ZNF804B: variants seen among roughly 807,000 people sequenced by gnomAD.
The protein encoded by ZNF804B is zinc finger 804B.
In ZNF804B, 80 loss-of-function variants were observed where a neutral mutation model predicts 101.4. That is an observed-to-expected ratio of 0.79 (90% CI 0.66 to 0.95). The LOEUF is 0.95. Among genes scored for constraint, ZNF804B ranks in the 40% least tolerant of loss-of-function variants. The pLI is 0.00. For synonymous variants in ZNF804B, 622 were observed against 558.8 expected, an observed-to-expected ratio of 1.11 and a Z score of -1.59; for missense variants, 1,673 against 1,561.9, an observed-to-expected ratio of 1.07 and a Z score of -1.20.
chr7:89,335,092 T>G lies in ZNF804B; in HGVS notation c.2110T>G (p.Cys704Gly), dbSNP rs190474055. 1.2e-6 allele frequency: 2 copies of G among 1,613,838 alleles called. No homozygotes were observed. Among genetic ancestry groups the G allele is most frequent in the East Asian group, 2.2e-5 (1 of 44,858 alleles). ...ATACAAGAGATACTCTCCACAGTCA[T>G]GTTTGAGTAGATATTCTTCCTCTTT... is the stretch of plus-strand genomic sequence containing the variant. The part of the protein sequence containing the change: ...QRYKRYSPQS[C>G]LSRYSSSLDT... The change falls in exon 4 of 4, where the codon TGT (cysteine) becomes GGT (glycine). Residue 704 changes from cysteine to glycine, a missense_variant. Transcript: ENST00000333190.
intron 1 of ZNF804B, among the ~76,000 whole-genome samples, chr7:88,856,159 G>A (rs527576612): frequency 7.9e-5 from 12 of 152,276 alleles, no homozygotes; most frequent in African/African-American, 2.9e-4. Flanking sequence ...TTGGTAGCTT[G>A]ATGGGGGATG....
At chr7:89,266,864 T>C (rs1562931725) in intron 2 of ZNF804B, among the ~76,000 whole-genome samples, 1 of 149,406 alleles carries the variant, frequency 6.7e-6, no homozygotes, top group Non-Finnish European at 1.5e-5. Flanking sequence ...TACTAATGTT[T>C]GTGTGTCTGT....
chr7:89,050,240 A>G (rs1789178066), intron 1 of ZNF804B, among the ~76,000 whole-genome samples: 1 of 152,152 alleles, frequency 6.6e-6, no homozygotes, highest in African/African-American at 2.4e-5. Flanking sequence ...ATAAAATTTT[A>G]TCCATTAATG....
chr7:89,241,034 AACTT>A (rs1428379554), intron 2 of ZNF804B, among the ~76,000 whole-genome samples: 1 of 151,940 alleles, frequency 6.6e-6, no homozygotes, highest in Non-Finnish European at 1.5e-5. Flanking sequence ...AGTGTCCTCT[AACTT>A]TCTCCCAACT....
intron 2 of ZNF804B, among the ~76,000 whole-genome samples, chr7:89,248,382 G>A (rs1401513229): frequency 6.7e-6 from 1 of 149,008 alleles, no homozygotes; most frequent in Non-Finnish European, 1.5e-5. Flanking sequence ...TGTACAAAGG[G>A]AACACTATCA....
intron 1 of ZNF804B, among the ~76,000 whole-genome samples, chr7:88,884,817 T>C (rs913628207): frequency 1.3e-5 from 2 of 151,948 alleles, no homozygotes; most frequent in African/African-American, 4.8e-5. Flanking sequence ...AGATAATTTT[T>C]ATTTCATTAT....
intron 2 of ZNF804B, among the ~76,000 whole-genome samples, chr7:89,233,579 G>A (rs1225428116): frequency 1.3e-5 from 2 of 152,092 alleles, no homozygotes; most frequent in Non-Finnish European, 2.9e-5. Context: ...CAATGTGGGG[G>A]TGGGCTTCAG....
intron 1 of ZNF804B, among the ~76,000 whole-genome samples, chr7:88,932,737 G>T (rs1410611074): frequency 3.3e-5 from 5 of 151,626 alleles, no homozygotes; most frequent in African/African-American, 9.7e-5. Context: ...CAAGCAGCGA[G>T]ATTGAATCAG....
rs151286823 is a variant in ZNF804B, at chr7:88,795,174, A to C, written c.108+35090A>C. Reference sequence around the variant, plus strand: ...AAAGACAATGTTAAAACAATACTCAAACTATAGACTTTTTTAAAAGTTTAC... The same window carrying C: ...AAAGACAATGTTAAAACAATACTCACACTATAGACTTTTTTAAAAGTTTAC... On this transcript the variant is annotated intron_variant, in intron 1 of 3. Coordinates refer to ENST00000333190, the MANE Select transcript of ZNF804B (RefSeq NM_181646.5). 6.6e-5 allele frequency: 24 copies of C among 362,454 alleles called. No homozygotes were observed. The East Asian group carries it at 8.2e-4, about 12-fold the overall frequency. 22.5% of individuals were successfully genotyped at this position (362,454 alleles called of 1,614,324 possible). A position where few individuals can be genotyped will look rare whatever the true frequency, so the allele number is the denominator to read the frequency against.
chr7:89,247,354 A>G (rs1452641618), intron 2 of ZNF804B, among the ~76,000 whole-genome samples: 1 of 152,210 alleles, frequency 6.6e-6, no homozygotes, highest in Non-Finnish European at 1.5e-5. Flanking sequence ...GGCTTCTGCC[A>G]TTAAACAAGG....
chr7:89,322,656 TAAA>T (rs1790837606), intron 2 of ZNF804B, among the ~76,000 whole-genome samples: 1 of 152,050 alleles, frequency 6.6e-6, no homozygotes, highest in Non-Finnish European at 1.5e-5. Context: ...TTTTGACAAT[TAAA>T]AAGCTAATTT....
chr7:88,882,448 G>A (rs751431078), intron 1 of ZNF804B, among the ~76,000 whole-genome samples: 3 of 152,146 alleles, frequency 2.0e-5, no homozygotes, highest in Non-Finnish European at 4.4e-5. Context: ...TTTAGCCACT[G>A]TGGAAAGCAG....
chr7:88,778,844 T>A lies in ZNF804B; in HGVS notation c.108+18760T>A, dbSNP rs182452643. Among the ~76,000 whole-genome samples the A allele has an allele frequency of 3.0e-4, 46 of 152,324 alleles. No homozygotes were observed. In the East Asian group the frequency reaches 8.3e-3, roughly 27 times the overall value. Reference sequence around the variant, plus strand: ...CGCCGATATGCATAAGGTATCCATGTTGTCTGCTCCAATGGAATGTGCAGT... The same window carrying A: ...CGCCGATATGCATAAGGTATCCATGATGTCTGCTCCAATGGAATGTGCAGT... On this transcript the variant is annotated intron_variant, in intron 1 of 3. Transcript: ENST00000333190.
intron 1 of ZNF804B, among the ~76,000 whole-genome samples, chr7:89,208,082 G>GTTTTT (rs71526636): frequency 2.1e-5 from 3 of 142,200 alleles, no homozygotes; most frequent in Admixed American, 7.1e-5. Context: ...ATTTTATTGG[G>GTTTTT]TTTTTTTTTT....
intron 2 of ZNF804B, among the ~76,000 whole-genome samples, chr7:89,237,372 T>A (rs1047104041): frequency 1.3e-5 from 2 of 152,152 alleles, no homozygotes; most frequent in African/African-American, 4.8e-5. Flanking sequence ...TTCTGTCACA[T>A]CATTCATCCT....
At position 88,854,541 on chromosome 7, in the gene ZNF804B, T is replaced by TTCCTTTCCTTTCCTTCCCTTCCCTTC. The variant is rs1554340270; in HGVS notation, c.108+94457_108+94458insTCCTTTCCTTTCCTTCCCTTCCCTTC. ...CCTTTCCTTCCTTTCCTTCCTTCCT[T>TTCCTTTCCTTTCCTTCCCTTCCCTTC]CCTTCCTTCCTTCCTTCCTTCCTTC... is the stretch of plus-strand genomic sequence containing the variant. On this transcript the variant is annotated intron_variant, in intron 1 of 3. Transcript: ENST00000333190. Among the ~76,000 whole-genome samples the TTCCTTTCCTTTCCTTCCCTTCCCTTC allele has an allele frequency of 2.5e-4, 22 of 88,646 alleles. 1 individual carries two copies. Among genetic ancestry groups the TTCCTTTCCTTTCCTTCCCTTCCCTTC allele is most frequent in the East Asian group, 2.0e-3 (4 of 2,028 alleles). The allele number at this position is 88,646 out of a possible 152,430, so 58.2% of individuals were successfully genotyped here. A position where few individuals can be genotyped will look rare whatever the true frequency, so the allele number is the denominator to read the frequency against.
At chr7:88,849,818 T>G (rs1334612132) in intron 1 of ZNF804B, among the ~76,000 whole-genome samples, 1 of 151,832 alleles carries the variant, frequency 6.6e-6, no homozygotes, top group Non-Finnish European at 1.5e-5. Flanking sequence ...AAAAAATAAT[T>G]GCAAGGTTAT....
At chr7:88,959,135 T>C (rs1438153354) in intron 1 of ZNF804B, among the ~76,000 whole-genome samples, 1 of 151,420 alleles carries the variant, frequency 6.6e-6, no homozygotes, top group African/African-American at 2.4e-5. Context: ...AAGATCATCC[T>C]CTCTGAAGTG....
chr7:89,132,384 G>T (rs778092315), intron 1 of ZNF804B, among the ~76,000 whole-genome samples: 6 of 151,974 alleles, frequency 3.9e-5, no homozygotes, highest in Non-Finnish European at 7.4e-5. Context: ...TAGAAAACCA[G>T]ACTGGAAGTG....
Sources: gnomAD v4.1 joint callset for allele counts (sites outside exome capture counted in the v4.1 genomes callset) on GRCh38, gnomAD v4.1.1 for gene constraint, MANE v1.5 for transcripts, NCBI Gene and HGNC (gene_info 2026-07-23, HGNC 2026-07-21) for gene names.